The following PSMB2 variants were observed in gnomAD, a reference collection of about 807,000 sequenced individuals.
The protein encoded by PSMB2 is proteasome 20S subunit beta 2.
PSMB2 carries 13 observed loss-of-function variants against 25.7 expected under a neutral mutation model. The ratio of observed to expected loss-of-function variants is 0.51; its 90% CI spans 0.33 to 0.80. PSMB2 has a LOEUF of 0.80. Ranked by LOEUF, PSMB2 falls within the 30% of genes least tolerant of loss-of-function variation. PSMB2 has a pLI of 0.02. For missense variants in PSMB2, 202 were observed against 259.0 expected (o/e 0.78, Z 1.51); for synonymous variants, 87 against 96.2 (o/e 0.90, Z 0.56).
intron 1 of PSMB2, among the ~76,000 whole-genome samples, 179 bp downstream of exon 1, chr1:35,641,163 C>A (rs1414404749): frequency 1.3e-5 from 2 of 152,104 alleles, no homozygotes; most frequent in Non-Finnish European, 2.9e-5. Flanking sequence ...GCACTCCGGC[C>A]TGGACAACAA....
intron 1 of PSMB2, among the ~76,000 whole-genome samples, chr1:35,639,861 A>C (rs1275105352): frequency 6.6e-6 from 1 of 152,182 alleles, no homozygotes; most frequent in Non-Finnish European, 1.5e-5. Context: ...CTAATCATAG[A>C]ATTTCATAAA....
At chr1:35,611,274 T>C (rs1397372665) in intron 3 of PSMB2, among the ~76,000 whole-genome samples, 1 of 152,152 alleles carries the variant, frequency 6.6e-6, no homozygotes, top group African/African-American at 2.4e-5. Context: ...CATTTAACAT[T>C]CTTTGAACAC....
At position 35,641,503 on chromosome 1, in the gene PSMB2, A is replaced by G; in HGVS notation, c.-71T>C. On this transcript the variant is annotated 5_prime_UTR_variant, in exon 1 of 6. Transcript: ENST00000373237. ...CGCCCGCTTCCAGGTCTCACCGGTG[A>G]GACAGCACCTCAGAGCGAAGATTGG... 1 of 1,604,026 alleles carries G rather than the reference A, an allele frequency of 6.2e-7. No homozygotes were observed. The highest frequency in any genetic ancestry group is 2.3e-5 in the East Asian group (1 of 44,354).
intron 1 of PSMB2, among the ~76,000 whole-genome samples, chr1:35,639,105 T>C (rs1215687132): frequency 6.6e-6 from 1 of 151,798 alleles, no homozygotes; most frequent in Non-Finnish European, 1.5e-5. Flanking sequence ...AATACAAAAA[T>C]TAGCTGGGCA....
intron 3 of PSMB2, among the ~76,000 whole-genome samples, chr1:35,620,265 A>G (rs1464426669): frequency 2.6e-5 from 4 of 152,178 alleles, no homozygotes; most frequent in African/African-American, 9.7e-5. Context: ...TCTGAGGAAA[A>G]GACTATTTAG....
intron 1 of PSMB2, among the ~76,000 whole-genome samples, chr1:35,638,676 T>C (rs1651311307): frequency 6.6e-6 from 1 of 152,044 alleles, no homozygotes; most frequent in African/African-American, 2.4e-5. Flanking sequence ...TGGGCTGGAG[T>C]ACTCCGAGTA....
intron 3 of PSMB2, among the ~76,000 whole-genome samples, chr1:35,621,746 T>C (rs373131885): frequency 1.3e-3 from 197 of 152,292 alleles, no homozygotes; most frequent in Middle Eastern, 0.01. Context: ...TAGTGGCTCA[T>C]GCCTGTAATC....
Position 35,600,235 on chromosome 1 carries a change from G to C in PSMB2, c.*3032C>G. On this transcript the variant is annotated 3_prime_UTR_variant, in exon 6 of 6. Coordinates refer to ENST00000373237, the MANE Select transcript of PSMB2 (RefSeq NM_002794.5). ...TGGCCATGTAGAGACAGGAGATAAAGAATGGCATAAAAATGATGCCCAGCT... is the reference window on the plus strand; with the variant it reads ...TGGCCATGTAGAGACAGGAGATAAACAATGGCATAAAAATGATGCCCAGCT... 1.0e-6 allele frequency: 1 copy of C among 985,386 alleles called. No individual in the cohort carries two copies. The highest frequency in any genetic ancestry group is 1.2e-6 in the Non-Finnish European group (1 of 829,890). 61.0% of individuals were successfully genotyped at this position (985,386 alleles called of 1,614,324 possible).
intron 3 of PSMB2, among the ~76,000 whole-genome samples, 168 bp downstream of exon 3, chr1:35,631,106 A>G (rs1461376127): frequency 1.3e-5 from 2 of 152,232 alleles, no homozygotes; most frequent in Admixed American, 1.3e-4. Flanking sequence ...TGTACCTATT[A>G]ATAACAACTG....
At position 35,601,407 on chromosome 1, in the gene PSMB2, C is replaced by T; in HGVS notation, c.*1860G>A. 2.0e-6 allele frequency: 2 copies of T among 985,306 alleles called. No homozygotes were observed. Among genetic ancestry groups the T allele is most frequent in the South Asian group, 9.4e-5 (2 of 21,274 alleles). 61.0% of individuals were successfully genotyped at this position (985,306 alleles called of 1,614,324 possible). The stretch of plus-strand genomic sequence containing the variant: ...GCACTTTTAAAATAGATGCCTTACA[C>T]TCAGGAATCTAGCTAAAAGCTCAAA... On this transcript the variant is annotated 3_prime_UTR_variant, in exon 6 of 6. Transcript: ENST00000373237.
intron 3 of PSMB2, among the ~76,000 whole-genome samples, chr1:35,611,838 GGAGA>G (rs144144116): frequency 8.7e-5 from 13 of 148,750 alleles, no homozygotes; most frequent in East Asian, 4.0e-4. Context: ...AAAAAAAAAA[GGAGA>G]GAGAGAGAGA....
At chr1:35,610,275 CA>C (rs886221023) in intron 3 of PSMB2, among the ~76,000 whole-genome samples, 1 of 151,852 alleles carries the variant, frequency 6.6e-6, no homozygotes, top group Non-Finnish European at 1.5e-5. Flanking sequence ...TTGGTTTCTA[CA>C]AAAAAACTAA....
Position 35,600,555 on chromosome 1 carries a change from G to C in PSMB2, c.*2712C>G. The C allele has an allele frequency of 2.0e-6, 2 of 985,398 alleles. No individual in the cohort carries two copies. The highest frequency in any genetic ancestry group is 2.3e-4 in the East Asian group (2 of 8,824). 61.0% of individuals were successfully genotyped at this position (985,398 alleles called of 1,614,324 possible). The stretch of plus-strand genomic sequence containing the variant: ...CTGGGTTTCTGACTTGGGCACTTGG[G>C]AAACCAGGTAGCTCTAATTCTCTAA... On this transcript the variant is annotated 3_prime_UTR_variant, in exon 6 of 6. Transcript: ENST00000373237.
chr1:35,613,546 G>A (rs1247664833), intron 3 of PSMB2, among the ~76,000 whole-genome samples: 1 of 152,170 alleles, frequency 6.6e-6, no homozygotes, highest in Non-Finnish European at 1.5e-5. Flanking sequence ...CTAAACAAAT[G>A]TGAGAAAGCA....
chr1:35,628,677 G>A (rs1340826442), intron 3 of PSMB2, among the ~76,000 whole-genome samples: 2 of 120,432 alleles, frequency 1.7e-5, no homozygotes, highest in African/African-American at 3.3e-5. Flanking sequence ...CTTTCACCCA[G>A]GACAAAACAA....
intron 3 of PSMB2, among the ~76,000 whole-genome samples, chr1:35,614,011 A>G (rs1459067256): frequency 1.3e-5 from 2 of 152,210 alleles, no homozygotes; most frequent in East Asian, 3.8e-4. Context: ...GTGTCTTCAT[A>G]AAGGGATATG....
intron 1 of PSMB2, among the ~76,000 whole-genome samples, chr1:35,637,868 T>A (rs577936721): frequency 1.2e-4 from 19 of 152,304 alleles, no homozygotes; most frequent in Non-Finnish European, 2.4e-4. Flanking sequence ...ACTTATATTA[T>A]CTATGCAAAG....
chr1:35,632,886 C>G (rs1313414970), intron 2 of PSMB2, among the ~76,000 whole-genome samples: 1 of 151,490 alleles, frequency 6.6e-6, no homozygotes, highest in African/African-American at 2.4e-5. Context: ...AGGAGTGAGA[C>G]CCTGTCTCAA....
At chr1:35,630,684 G>C (rs1651063088) in intron 3 of PSMB2, among the ~76,000 whole-genome samples, 1 of 152,212 alleles carries the variant, frequency 6.6e-6, no homozygotes, top group South Asian at 2.1e-4. Flanking sequence ...AGGAGTTGTG[G>C]GGATGGAGAA....
Sources: allele counts gnomAD v4.1 joint callset (sites outside exome capture counted in the v4.1 genomes callset), GRCh38; gene constraint gnomAD v4.1.1; transcripts MANE v1.5; gene names NCBI Gene and HGNC (gene_info 2026-07-23, HGNC 2026-07-21).